Variants in RCOR1 observed in about 807,000 individuals in gnomAD.
RCOR1 encodes REST corepressor 1.
Under a neutral mutation model 64.0 loss-of-function variants are expected in RCOR1, and 12 were observed. That is an observed-to-expected ratio of 0.19 (90% CI 0.12 to 0.30). The LOEUF (loss-of-function observed/expected upper bound fraction) is 0.30, where lower values mean the gene tolerates loss of function less well. RCOR1 is among the 10% of genes least tolerant of loss of function. RCOR1 has a pLI of 1.00. For missense variants in RCOR1, 502 were observed against 621.2 expected (o/e 0.81, Z 2.04); for synonymous variants, 279 against 227.2 (o/e 1.23, Z -2.05).
intron 2 of RCOR1, among the ~76,000 whole-genome samples, chr14:102,606,030 A>G (rs1044001918): frequency 6.6e-6 from 1 of 152,024 alleles, no homozygotes; most frequent in African/African-American, 2.4e-5. Flanking sequence ...GCTTCCAGTG[A>G]TTCTCCTGCC....
chr14:102,636,187 C>T (rs904523856), intron 2 of RCOR1, among the ~76,000 whole-genome samples: 2 of 152,118 alleles, frequency 1.3e-5, no homozygotes, highest in East Asian at 1.9e-4. Context: ...ATCTGCCCGC[C>T]TTGGCCTCCC....
intron 2 of RCOR1, among the ~76,000 whole-genome samples, chr14:102,673,483 C>A (rs1353507809): frequency 6.7e-6 from 1 of 148,518 alleles, no homozygotes; most frequent in Admixed American, 6.7e-5. Flanking sequence ...ACTACAGTCG[C>A]CCACTACCAT....
chr14:102,654,819 CT>C (rs146480116), intron 2 of RCOR1, among the ~76,000 whole-genome samples: 4 of 115,032 alleles, frequency 3.5e-5, no homozygotes, highest in Non-Finnish European at 3.6e-5. Context: ...TGTTCTTTTC[CT>C]TTTTTTTTGA....
chr14:102,601,479 G>A (rs1380250862), intron 2 of RCOR1, among the ~76,000 whole-genome samples: 1 of 152,214 alleles, frequency 6.6e-6, no homozygotes, highest in Non-Finnish European at 1.5e-5. Context: ...AGGTTCATTA[G>A]GGTATGCTTG....
At chr14:102,658,602 G>C (rs1314136147) in intron 2 of RCOR1, 7 of 985,272 alleles carry the variant, frequency 7.1e-6, no homozygotes, top group Non-Finnish European at 8.4e-6. Flanking sequence ...TCCTTTTCCT[G>C]TATGCTATGG....
At chr14:102,596,613 G>T (rs1404721381) in intron 2 of RCOR1, among the ~76,000 whole-genome samples, 1 of 151,960 alleles carries the variant, frequency 6.6e-6, no homozygotes, top group Admixed American at 6.6e-5. Flanking sequence ...TGCCCAGGCT[G>T]GAGTGCAGTG....
intron 2 of RCOR1, among the ~76,000 whole-genome samples, chr14:102,597,757 CT>C (rs1276216303): frequency 1.3e-5 from 2 of 151,310 alleles, no homozygotes; most frequent in Non-Finnish European, 2.9e-5. Context: ...CCTCAGCCTC[CT>C]CAGTAGCCGG....
chr14:102,678,527 G>A (rs1286553801), intron 2 of RCOR1, among the ~76,000 whole-genome samples: 1 of 152,052 alleles, frequency 6.6e-6, no homozygotes, highest in Admixed American at 6.6e-5. Flanking sequence ...TCGAACCCCT[G>A]ACCTCAGGTG....
At chr14:102,628,855 C>T (rs1467753111) in intron 2 of RCOR1, among the ~76,000 whole-genome samples, 1 of 152,026 alleles carries the variant, frequency 6.6e-6, no homozygotes, top group Non-Finnish European at 1.5e-5. Flanking sequence ...CGCTCGGCCT[C>T]CCCTTTTCTC....
At chr14:102,681,749 T>G (rs1161191799) in intron 2 of RCOR1, 146 bp from the exon 3 acceptor site, 61 of 567,138 alleles carry the variant, frequency 1.1e-4, no homozygotes, top group Non-Finnish European at 2.8e-5. Context: ...CTCCCCCATC[T>G]CCATCCTCAC....
intron 2 of RCOR1, among the ~76,000 whole-genome samples, chr14:102,647,968 C>G (rs1894510151): frequency 6.6e-6 from 1 of 152,212 alleles, no homozygotes; most frequent in South Asian, 2.1e-4. Context: ...CATATACCAC[C>G]ATGCTCGGCC....
intron 6 of RCOR1, among the ~76,000 whole-genome samples, chr14:102,709,765 G>C (rs1895920964): frequency 6.6e-6 from 1 of 152,248 alleles, no homozygotes; most frequent in Admixed American, 6.5e-5. Context: ...CATTTCCCTA[G>C]TTTACTGTCT....
chr14:102,708,717 T>G lies in RCOR1; in HGVS notation c.779+134T>G, dbSNP rs528644833. The G allele has an allele frequency of 1.1e-5, 6 of 567,264 alleles. No homozygotes were observed. In the African/African-American group the frequency reaches 1.2e-4, roughly 11 times the overall value. The allele number at this position is 567,264 out of a possible 1,614,324, so 35.1% of individuals were successfully genotyped here. On this transcript the variant is annotated intron_variant, in intron 6 of 11. Transcript: ENST00000262241. ...GGAACCACATGTTCATGAGATGTAT[T>G]AGAGCGTGTCACATTATTCAGGTAT... is the stretch of plus-strand genomic sequence containing the variant.
intron 3 of RCOR1, among the ~76,000 whole-genome samples, chr14:102,690,823 A>G (rs1895517687): frequency 6.6e-6 from 1 of 152,086 alleles, no homozygotes; most frequent in South Asian, 2.1e-4. Flanking sequence ...TGTAAAACTG[A>G]GTGGAGGAAC....
intron 2 of RCOR1, among the ~76,000 whole-genome samples, chr14:102,623,233 G>C (rs976001790): frequency 2.6e-5 from 4 of 151,826 alleles, no homozygotes; most frequent in African/African-American, 9.7e-5. Flanking sequence ...GTGTGGGTTT[G>C]TTTTGTTAGT....
chr14:102,728,879 C>G lies in RCOR1; in HGVS notation c.*2373C>G, dbSNP rs1413559088. 6.6e-6 allele frequency: 1 copy of G among 152,388 alleles called. No individual in the cohort carries two copies. The highest frequency in any genetic ancestry group is 1.5e-5 in the Non-Finnish European group (1 of 68,034). The allele number at this position is 152,388 out of a possible 1,614,324, so 9.4% of individuals were successfully genotyped here. On this transcript the variant is annotated 3_prime_UTR_variant, in exon 12 of 12. Coordinates refer to ENST00000262241, the MANE Select transcript of RCOR1 (RefSeq NM_015156.4). ...TTGTGCTTTCCCGCGTAAGATAGCA[C>G]TGTGTTTTAAACTGTTGCATTACAC...
intron 2 of RCOR1, among the ~76,000 whole-genome samples, chr14:102,604,868 A>G (rs1392463706): frequency 6.6e-6 from 1 of 151,936 alleles, no homozygotes; most frequent in East Asian, 1.9e-4. Context: ...GGATCTCCCA[A>G]GGTCAGGAAT....
chr14:102,661,631 T>G (rs1225230931), intron 2 of RCOR1, among the ~76,000 whole-genome samples: 1 of 152,136 alleles, frequency 6.6e-6, no homozygotes, highest in East Asian at 1.9e-4. Context: ...TCATTAGAGG[T>G]GAGCAGAGGG....
At chr14:102,643,613 C>T (rs1894417916) in intron 2 of RCOR1, among the ~76,000 whole-genome samples, 1 of 152,148 alleles carries the variant, frequency 6.6e-6, no homozygotes, top group Admixed American at 6.6e-5. Context: ...AGCTGATGGG[C>T]TGACTGAAAG....
Sources: allele counts gnomAD v4.1 joint callset (sites outside exome capture counted in the v4.1 genomes callset), GRCh38; gene constraint gnomAD v4.1.1; transcripts MANE v1.5; gene names NCBI Gene and HGNC (gene_info 2026-07-23, HGNC 2026-07-21).